Variants in DNAJC7 observed in about 807,000 individuals in gnomAD.
The protein encoded by DNAJC7 is dnaJ homolog subfamily C member 7.
DNAJC7 carries 18 observed loss-of-function variants against 67.4 expected under a neutral mutation model. The ratio of observed to expected loss-of-function variants is 0.27; its 90% CI spans 0.18 to 0.40. The LOEUF (loss-of-function observed/expected upper bound fraction) is 0.40. DNAJC7 is among the 10% of genes least tolerant of loss of function. The pLI, the probability that DNAJC7 is intolerant of heterozygous loss-of-function variation, is 1.00. For synonymous variants in DNAJC7, 220 were observed against 207.8 expected, an observed-to-expected ratio of 1.06 and a Z score of -0.50; for missense variants, 419 against 613.8, an observed-to-expected ratio of 0.68 and a Z score of 3.35.
intron 6 of DNAJC7, 78 bp from the exon 7 acceptor site, chr17:41,989,635 C>A: frequency 6.5e-7 from 1 of 1,549,634 alleles, no homozygotes; most frequent in South Asian, 1.2e-5. Flanking sequence ...GGCCAGTTTT[C>A]CTCCTTGACC....
chr17:42,006,346 T>TTATG (rs2051955419), intron 1 of DNAJC7, among the ~76,000 whole-genome samples: 1 of 149,482 alleles, frequency 6.7e-6, no homozygotes, highest in African/African-American at 2.5e-5. Flanking sequence ...GAAAAGAGCT[T>TTATG]TATTTATTTA....
intron 1 of DNAJC7, among the ~76,000 whole-genome samples, chr17:42,003,806 A>G (rs946009588): frequency 6.6e-6 from 1 of 152,182 alleles, no homozygotes; most frequent in Non-Finnish European, 1.5e-5. Context: ...GTGGCTACAA[A>G]ATTAAATTCA....
intron 5 of DNAJC7, among the ~76,000 whole-genome samples, chr17:41,994,519 CAA>C (rs68006925): frequency 0.19 from 7,029 of 36,860 alleles, 67 homozygotes; most frequent in African/African-American, 0.25. Context: ...GACTAGGCCT[CAA>C]AAAAAAAAAA....
At chr17:41,977,763 C>A (rs2051131430) in intron 12 of DNAJC7, 2 of 156,454 alleles carry the variant, frequency 1.3e-5, no homozygotes, top group South Asian at 1.9e-4. Context: ...GATTCCATGT[C>A]TTTTACTCCG....
intron 1 of DNAJC7, among the ~76,000 whole-genome samples, chr17:42,009,256 A>G (rs571862779): frequency 2.5e-4 from 38 of 152,288 alleles, no homozygotes; most frequent in African/African-American, 8.9e-4. Context: ...ATTCCTTAAC[A>G]TACCAGTTCA....
At chr17:42,006,489 G>A (rs2051960469) in intron 1 of DNAJC7, among the ~76,000 whole-genome samples, 2 of 151,662 alleles carry the variant, frequency 1.3e-5, no homozygotes, top group Admixed American at 1.3e-4. Flanking sequence ...GACAGAGTGA[G>A]ACCCTGCCTT....
At chr17:41,997,032 G>T (rs548244544) in intron 3 of DNAJC7, 83 bp downstream of exon 3, 2 of 1,592,988 alleles carry the variant, frequency 1.3e-6, no homozygotes, top group South Asian at 2.2e-5. Flanking sequence ...AATGTCAGTA[G>T]TGTCAAGGTT....
chr17:41,986,578 C>T (rs1272813080), intron 9 of DNAJC7, among the ~76,000 whole-genome samples: 3 of 143,858 alleles, frequency 2.1e-5, no homozygotes, highest in Non-Finnish European at 4.5e-5. Context: ...GCAGCAAACA[C>T]CTTCATGTAT....
intron 1 of DNAJC7, 117 bp from the exon 2 acceptor site, chr17:42,000,687 A>T (rs1257393368): frequency 7.2e-6 from 5 of 689,666 alleles, no homozygotes; most frequent in Non-Finnish European, 1.2e-5. Context: ...AGTTAGTGTG[A>T]TACTTGAAGG....
chr17:42,017,203 C>G, intron 1 of DNAJC7, 137 bp downstream of exon 1: 1 of 1,588,764 alleles, frequency 6.3e-7, no homozygotes, highest in Non-Finnish European at 8.5e-7. Flanking sequence ...TCCATCCGGC[C>G]TTGATCTCAG....
intron 12 of DNAJC7, chr17:41,977,540 T>G: frequency 2.4e-6 from 1 of 419,702 alleles, no homozygotes; most frequent in African/African-American, 2.0e-5. Flanking sequence ...TCCCTTCTCC[T>G]TCCAACTGCT....
chr17:41,986,344 C>T (rs868923191), intron 9 of DNAJC7, among the ~76,000 whole-genome samples: 6 of 151,678 alleles, frequency 4.0e-5, no homozygotes, highest in Middle Eastern at 3.4e-3. Context: ...CCAGCCTGAG[C>T]GACATAGCGA....
intron 1 of DNAJC7, among the ~76,000 whole-genome samples, chr17:42,011,983 G>A (rs781854565): frequency 6.6e-6 from 1 of 152,216 alleles, no homozygotes; most frequent in Non-Finnish European, 1.5e-5. Flanking sequence ...ATCGCAAAGA[G>A]TGTACAATAC....
chr17:41,982,588 G>A (rs2051278006), intron 10 of DNAJC7, among the ~76,000 whole-genome samples, 187 bp from the exon 11 acceptor site: 1 of 152,090 alleles, frequency 6.6e-6, no homozygotes, highest in Non-Finnish European at 1.5e-5. Flanking sequence ...TGTAATCGCA[G>A]CACTTTGGGA....
chr17:41,995,314 A>C (rs2051626805), intron 4 of DNAJC7, among the ~76,000 whole-genome samples: 1 of 152,234 alleles, frequency 6.6e-6, no homozygotes, highest in Admixed American at 6.5e-5. Flanking sequence ...CTTCACCCTC[A>C]GTTTGAACTT....
rs2051442330 is a variant in DNAJC7, at chr17:41,988,736, G to C, written c.914C>G (p.Ser305Cys). Residue 305 changes from serine to cysteine, a missense_variant, in exon 8 of 14, where the codon TCC (serine) becomes TGC (cysteine). Around this residue, in one of 4 missense-constraint regions of DNAJC7, gnomAD observed 161 missense variants for 252.2 expected, o/e 0.64. Coordinates refer to ENST00000457167, the MANE Select transcript of DNAJC7 (RefSeq NM_003315.4). ...KLYCNRGTVNSKLRKLDDAIE... is the reference protein window; with the variant it reads ...KLYCNRGTVNCKLRKLDDAIE... ...AGATCTAGATCAAGAGCTTACCTTG[G>C]AATTAACCGTACCCCGATTACAGTA... 1.3e-6 allele frequency: 2 copies of C among 1,596,604 alleles called. No individual in the cohort carries two copies. The highest frequency in any genetic ancestry group is 1.7e-6 in the Non-Finnish European group (2 of 1,174,786).
At chr17:41,978,057 A>G (rs921718118) in intron 12 of DNAJC7, among the ~76,000 whole-genome samples, 1 of 152,220 alleles carries the variant, frequency 6.6e-6, no homozygotes, top group Non-Finnish European at 1.5e-5. Context: ...CAGGGTAAGT[A>G]TCATTCCCAA....
intron 12 of DNAJC7, among the ~76,000 whole-genome samples, chr17:41,979,281 G>A (rs576091387): frequency 1.3e-5 from 2 of 152,056 alleles, no homozygotes; most frequent in Admixed American, 6.6e-5. Flanking sequence ...GGAGGTTGCC[G>A]TGAGCTGAGA....
chr17:42,016,888 G>C, intron 1 of DNAJC7: 1 of 982,936 alleles, frequency 1.0e-6, no homozygotes, highest in Non-Finnish European at 1.3e-6. Flanking sequence ...TGATCGCTGG[G>C]GTATAATTAC....
Sources: allele counts gnomAD v4.1 joint callset (sites outside exome capture counted in the v4.1 genomes callset), GRCh38; gene constraint gnomAD v4.1.1; regional missense constraint gnomAD v4.1.1; transcripts MANE v1.5; gene names NCBI Gene and HGNC (gene_info 2026-07-23, HGNC 2026-07-21).